Variants in ATP10A observed in about 807,000 individuals in gnomAD.
ATP10A encodes the protein ATPase phospholipid transporting 10A (putative), also known as phospholipid-transporting ATPase VA.
ATP10A carries 111 observed loss-of-function variants against 147.8 expected under a neutral mutation model. That is an observed-to-expected ratio of 0.75 (90% CI 0.64 to 0.88). The LOEUF (loss-of-function observed/expected upper bound fraction) is 0.88, where lower values mean the gene tolerates loss of function less well. Among genes scored for constraint, ATP10A ranks in the 40% least tolerant of loss-of-function variants. The probability of loss-of-function intolerance (pLI) is 0.00; values close to 1 mark genes in which losing one functional copy is unlikely to be tolerated. For synonymous variants in ATP10A, 875 were observed against 841.6 expected (o/e 1.04, Z -0.69); for missense variants, 1,927 against 1,959.0 (o/e 0.98, Z 0.31).
chr15:25,699,832 C>A (rs949791369), intron 13 of ATP10A, among the ~76,000 whole-genome samples: 1 of 152,140 alleles, frequency 6.6e-6, no homozygotes, highest in Non-Finnish European at 1.5e-5. Flanking sequence ...GGCACCACTG[C>A]ACTCCAGCCT....
chr15:25,730,328 A>AAAAAAAAAT (rs1441113067), intron 3 of ATP10A, among the ~76,000 whole-genome samples: 11 of 2,604 alleles, frequency 4.2e-3, no homozygotes, highest in African/African-American at 0.013. Context: ...AAAAAAAAAA[A>AAAAAAAAAT]GAAGAAAGAA....
chr15:25,673,674 C>T (rs897629021), downstream of ATP10A, among the ~76,000 whole-genome samples: 3 of 152,214 alleles, frequency 2.0e-5, no homozygotes, highest in African/African-American at 7.2e-5. Context: ...CCTTGCATGC[C>T]CTTTCTTGTC....
chr15:25,854,553 G>A (rs1034295223), intron 1 of ATP10A, among the ~76,000 whole-genome samples: 1 of 152,102 alleles, frequency 6.6e-6, no homozygotes, highest in African/African-American at 2.4e-5. Flanking sequence ...TCAAAGAAAT[G>A]GACAACTTCC....
Position 25,771,547 on chromosome 15 carries a change from A to G in ATP10A, c.654+9472T>C, listed in dbSNP as rs1383631114. ...GAACAAAGACAAGACTCCTCCCTCCACCCACCCAGAGATGTCTGCATAATT... is the reference window on the plus strand; with the variant it reads ...GAACAAAGACAAGACTCCTCCCTCCGCCCACCCAGAGATGTCTGCATAATT... On this transcript the variant is annotated intron_variant, in intron 2 of 20. Transcript: ENST00000555815. Among the ~76,000 whole-genome samples, 4 of 151,964 alleles carry G rather than the reference A, an allele frequency of 2.6e-5. No individual in the cohort carries two copies. In the East Asian group the frequency reaches 5.8e-4, roughly 22 times the overall value.
intron 3 of ATP10A, among the ~76,000 whole-genome samples, chr15:25,730,829 AAAGT>A (rs1295134424): frequency 2.0e-5 from 3 of 152,204 alleles, no homozygotes; most frequent in African/African-American, 2.4e-5. Flanking sequence ...ATATCTAACA[AAAGT>A]AAGTGTGGAA....
intron 2 of ATP10A, among the ~76,000 whole-genome samples, chr15:25,743,726 G>A (rs1308704172): frequency 6.6e-6 from 1 of 152,216 alleles, no homozygotes; most frequent in Non-Finnish European, 1.5e-5. Flanking sequence ...GTCTCACTGA[G>A]CTACAGTCAA....
intron 3 of ATP10A, among the ~76,000 whole-genome samples, chr15:25,732,163 C>T (rs772287163): frequency 6.6e-6 from 1 of 152,160 alleles, no homozygotes; most frequent in African/African-American, 2.4e-5. Flanking sequence ...ACTGCACAGG[C>T]TAATTTTTTT....
At chr15:25,837,265 G>A (rs1892636128) in intron 1 of ATP10A, among the ~76,000 whole-genome samples, 1 of 152,128 alleles carries the variant, frequency 6.6e-6, no homozygotes, top group Non-Finnish European at 1.5e-5. Flanking sequence ...GGATACAGAA[G>A]CAACCTAAGT....
At chr15:25,683,748 C>A (rs147082527) in intron 16 of ATP10A, 5 of 510,466 alleles carry the variant, frequency 9.8e-6, no homozygotes, top group Non-Finnish European at 1.8e-5. Flanking sequence ...GCAGCACTTG[C>A]GGGGATGAGA....
At chr15:25,824,047 G>C (rs1892003622) in intron 1 of ATP10A, among the ~76,000 whole-genome samples, 1 of 152,094 alleles carries the variant, frequency 6.6e-6, no homozygotes, top group Non-Finnish European at 1.5e-5. Context: ...AATGGGGGCT[G>C]TAGTTTACCA....
chr15:25,718,181 C>T lies in ATP10A; in HGVS notation c.1581+1G>A. 1 of 1,612,764 alleles carries T rather than the reference C, an allele frequency of 6.2e-7. No individual in the cohort carries two copies. The highest frequency in any genetic ancestry group is 8.5e-7 in the Non-Finnish European group (1 of 1,179,788). ...CCTAGCAGGAGGCCCTGTACACTCA[C>T]CATGGGGCTGCTGAAGGCCGTGTGC... is the stretch of plus-strand genomic sequence containing the variant. On this transcript the variant is annotated splice_donor_variant, in intron 8 of 20. Coordinates refer to ENST00000555815, the MANE Select transcript of ATP10A (RefSeq NM_024490.4). LOFTEE classifies it high-confidence loss of function.
At chr15:25,767,301 G>T (rs1392507761) in intron 2 of ATP10A, among the ~76,000 whole-genome samples, 1 of 152,180 alleles carries the variant, frequency 6.6e-6, no homozygotes, top group Non-Finnish European at 1.5e-5. Context: ...CGGTGAAGGG[G>T]GTGCCATGCA....
At chr15:25,775,728 C>T (rs995753409) in intron 2 of ATP10A, among the ~76,000 whole-genome samples, 2 of 152,212 alleles carry the variant, frequency 1.3e-5, no homozygotes, top group South Asian at 2.1e-4. Context: ...CCAAACAGGT[C>T]CACCCAAGAG....
intron 1 of ATP10A, among the ~76,000 whole-genome samples, chr15:25,830,081 C>T (rs974183563): frequency 6.6e-6 from 1 of 152,006 alleles, no homozygotes; most frequent in Admixed American, 6.6e-5. Flanking sequence ...GGGAGAAGTG[C>T]GGTGGGCAGC....
intron 1 of ATP10A, among the ~76,000 whole-genome samples, chr15:25,851,853 C>A (rs565834003): frequency 1.7e-4 from 26 of 152,002 alleles, no homozygotes; most frequent in Non-Finnish European, 3.2e-4. Context: ...TGCTTGAGGC[C>A]AGGAGTTCGA....
intron 10 of ATP10A, among the ~76,000 whole-genome samples, chr15:25,713,341 T>C (rs956744867): frequency 1.3e-5 from 2 of 152,158 alleles, no homozygotes; most frequent in South Asian, 2.1e-4. Context: ...CTGCACCAGG[T>C]CCACAGGGCA....
At chr15:25,862,375 C>T in intron 1 of ATP10A, 2 of 645,424 alleles carry the variant, frequency 3.1e-6, no homozygotes, top group South Asian at 1.5e-5. Context: ...GGTTTCTAGC[C>T]TTGGGATCAT....
At chr15:25,702,241 G>A in intron 12 of ATP10A, 141 bp from the exon 13 acceptor site, 1 of 821,396 alleles carries the variant, frequency 1.2e-6, no homozygotes, top group Non-Finnish European at 1.9e-6. Flanking sequence ...CAGGGGCTGG[G>A]CTGCCAGTTG....
intron 10 of ATP10A, among the ~76,000 whole-genome samples, chr15:25,711,258 C>G (rs1486843102): frequency 6.6e-6 from 1 of 152,092 alleles, no homozygotes; most frequent in Admixed American, 6.6e-5. Flanking sequence ...AAGAGGGCAT[C>G]AGATTAAGTC....
Sources: gnomAD v4.1 joint callset for allele counts (sites outside exome capture counted in the v4.1 genomes callset) on GRCh38, gnomAD v4.1.1 for gene constraint, MANE v1.5 for transcripts, NCBI Gene and HGNC (gene_info 2026-07-23, HGNC 2026-07-21) for gene names.